SPAG17: variants seen among roughly 807,000 people sequenced by gnomAD.
The protein encoded by SPAG17 is sperm associated antigen 17.
In SPAG17, 169 loss-of-function variants were observed where a neutral mutation model predicts 273.6. The observed-to-expected ratio is 0.62, with a 90% CI of 0.55 to 0.70. The LOEUF is 0.70. Among genes scored for constraint, SPAG17 ranks in the 30% least tolerant of loss-of-function variants. The probability of loss-of-function intolerance (pLI) is 0.00; values close to 1 mark genes in which losing one functional copy is unlikely to be tolerated. For missense variants in SPAG17, 2,557 were observed against 2,627.8 expected (o/e 0.97, Z 0.59); for synonymous variants, 825 against 873.2 (o/e 0.94, Z 0.97).
intron 45 of SPAG17, among the ~76,000 whole-genome samples, chr1:117,970,416 G>A (rs1557848348): frequency 6.6e-6 from 1 of 152,182 alleles, no homozygotes; most frequent in African/African-American, 2.4e-5. Context: ...TGGCTGGTGC[G>A]TGCATTTCAG....
Position 118,055,832 on chromosome 1 carries a change from C to T in SPAG17, c.2623G>A (p.Glu875Lys), listed in dbSNP as rs762194743. Residue 875 changes from glutamate (E) to lysine (K), a missense_variant, in exon 19 of 49, where the codon GAG becomes AAG. Transcript: ENST00000336338. ...EAIYQESKMNEKIIRTRAELE... is the reference protein window; with the variant it reads ...EAIYQESKMNKKIIRTRAELE... ...TCAGCTCTGGTCCTGATGATTTTCT[C>T]ATTCATTTTAGATTCCTGATATATA... is the stretch of plus-strand genomic sequence containing the variant. 1.9e-6 allele frequency: 3 copies of T among 1,613,002 alleles called. No homozygotes were observed. The African/African-American group carries it at 4.0e-5, about 22-fold the overall frequency.
Position 118,069,344 on chromosome 1 carries a change from C to CTAAAAAAAAAAAAAAA in SPAG17, c.2386-2446_2386-2445insTTTTTTTTTTTTTTTA, listed in dbSNP as rs1553244357. ...TAAGCGACAGAGTGAGACTCCGTCT[C>CTAAAAAAAAAAAAAAA]AAAAAAAAAAAAAAGTGGTGGTAGC... On this transcript the variant is annotated intron_variant, in intron 17 of 48. Coordinates refer to ENST00000336338, the MANE Select transcript of SPAG17 (RefSeq NM_206996.4). Among the ~76,000 whole-genome samples the CTAAAAAAAAAAAAAAA allele has an allele frequency of 1.6e-4, 14 of 86,182 alleles. 1 individual carries two copies. The highest frequency in any genetic ancestry group is 2.4e-4 in the Admixed American group (2 of 8,304). 56.5% of individuals were successfully genotyped at this position (86,182 alleles called of 152,430 possible).
At chr1:117,967,911 G>C (rs1654058863) in intron 46 of SPAG17, among the ~76,000 whole-genome samples, 1 of 152,196 alleles carries the variant, frequency 6.6e-6, no homozygotes, top group Non-Finnish European at 1.5e-5. Flanking sequence ...CAAATGGAAT[G>C]TTTTCTTCAA....
intron 20 of SPAG17, among the ~76,000 whole-genome samples, chr1:118,043,374 T>G (rs1260740516): frequency 6.6e-6 from 1 of 152,228 alleles, no homozygotes; most frequent in Non-Finnish European, 1.5e-5. Context: ...TATTGTTAAA[T>G]TTTTAGAAAT....
At chr1:118,060,495 T>C (rs976305402) in intron 18 of SPAG17, among the ~76,000 whole-genome samples, 2 of 152,210 alleles carry the variant, frequency 1.3e-5, no homozygotes, top group African/African-American at 2.4e-5. Context: ...TAATGAATCA[T>C]CACAACTAGT....
intron 18 of SPAG17, among the ~76,000 whole-genome samples, chr1:118,061,469 T>C (rs1652286956): frequency 6.6e-6 from 1 of 152,340 alleles, no homozygotes; most frequent in East Asian, 1.9e-4. Context: ...ATTCCACTTA[T>C]ACAGGTTATC....
chr1:117,956,901 A>G (rs1446484243), intron 48 of SPAG17, among the ~76,000 whole-genome samples: 2 of 152,216 alleles, frequency 1.3e-5, no homozygotes, highest in Non-Finnish European at 1.5e-5. Flanking sequence ...TATTAAATAC[A>G]AAAAACAAAG....
chr1:117,971,271 G>A (rs1183423546), intron 45 of SPAG17, among the ~76,000 whole-genome samples: 1 of 152,194 alleles, frequency 6.6e-6, no homozygotes, highest in South Asian at 2.1e-4. Context: ...CCAATGGAAA[G>A]GTTTGAAATT....
chr1:118,023,600 C>G (rs1647367729), intron 27 of SPAG17, 137 bp from the exon 28 acceptor site: 1 of 645,296 alleles, frequency 1.5e-6, no homozygotes, highest in African/African-American at 1.9e-5. Context: ...CCAGACCCAG[C>G]AGCACAAAGT....
At chr1:118,074,086 A>G in intron 16 of SPAG17, 119 bp from the exon 17 acceptor site, 1 of 660,796 alleles carries the variant, frequency 1.5e-6, no homozygotes, top group Non-Finnish European at 2.5e-6. Flanking sequence ...CTGCATATGT[A>G]TAAATCCATA....
intron 17 of SPAG17, among the ~76,000 whole-genome samples, chr1:118,069,696 A>G (rs570643192): frequency 8.5e-5 from 13 of 152,328 alleles, no homozygotes; most frequent in Middle Eastern, 3.4e-3. Context: ...TAGATAGTAT[A>G]TAACAGATGA....
At chr1:118,029,797 GT>G in intron 25 of SPAG17, among the ~76,000 whole-genome samples, 1 of 152,036 alleles carries the variant, frequency 6.6e-6, no homozygotes, top group Non-Finnish European at 1.5e-5. Flanking sequence ...GTGGATATTT[GT>G]TTTTTTCTAA....
intron 32 of SPAG17, among the ~76,000 whole-genome samples, chr1:117,998,878 G>A: frequency 6.6e-6 from 1 of 151,816 alleles, no homozygotes; most frequent in Admixed American, 6.6e-5. Flanking sequence ...GGGCACATGT[G>A]CGTGCAGGCT....
At chr1:118,167,804 G>C (rs545989751) in intron 1 of SPAG17, among the ~76,000 whole-genome samples, 2 of 152,122 alleles carry the variant, frequency 1.3e-5, no homozygotes, top group Non-Finnish European at 2.9e-5. Context: ...GGTGGGGCCT[G>C]GTGGGAGGTG....
At chr1:117,961,591 T>G (rs1343431340) in intron 48 of SPAG17, 1 of 152,218 alleles carries the variant, frequency 6.6e-6, no homozygotes, top group Non-Finnish European at 1.5e-5. Flanking sequence ...AATTTGGTCA[T>G]TGCAACCAAG....
At chr1:118,101,628 T>C (rs990085775) in intron 5 of SPAG17, 112 bp downstream of exon 5, 16 of 1,012,124 alleles carry the variant, frequency 1.6e-5, no homozygotes, top group Admixed American at 1.2e-4. Flanking sequence ...TGTGGGGGAA[T>C]TGGCGTCAGG....
chr1:118,012,620 T>A (rs910707052), intron 29 of SPAG17, among the ~76,000 whole-genome samples: 3 of 152,200 alleles, frequency 2.0e-5, no homozygotes, highest in Non-Finnish European at 4.4e-5. Flanking sequence ...CAAGTAAGTA[T>A]CAGGGCATAT....
At chr1:118,129,572 T>G (rs1047279512) in intron 3 of SPAG17, among the ~76,000 whole-genome samples, 1 of 152,148 alleles carries the variant, frequency 6.6e-6, no homozygotes, top group African/African-American at 2.4e-5. Context: ...TATTGTCAGT[T>G]TCACCCTTGC....
At chr1:118,144,517 C>G (rs770243976) in intron 3 of SPAG17, among the ~76,000 whole-genome samples, 1 of 152,214 alleles carries the variant, frequency 6.6e-6, no homozygotes, top group Non-Finnish European at 1.5e-5. Context: ...TTCTTTGTTA[C>G]AGCTTGATAT....
Sources: gnomAD v4.1 joint callset for allele counts (sites outside exome capture counted in the v4.1 genomes callset) on GRCh38, gnomAD v4.1.1 for gene constraint, MANE v1.5 for transcripts, NCBI Gene and HGNC (gene_info 2026-07-23, HGNC 2026-07-21) for gene names.